BMPER: variants seen among roughly 807,000 people sequenced by gnomAD.
BMPER encodes BMP binding endothelial regulator, also known as BMP-binding endothelial regulator protein.
Under a neutral mutation model 87.3 loss-of-function variants are expected in BMPER, and 45 were observed. The observed-to-expected ratio is 0.52, with a 90% CI of 0.41 to 0.66. The LOEUF (loss-of-function observed/expected upper bound fraction) is 0.66, where lower values mean the gene tolerates loss of function less well. Among genes scored for constraint, BMPER ranks in the 30% least tolerant of loss-of-function variants. The probability of loss-of-function intolerance (pLI) is 0.00; values close to 1 mark genes in which losing one functional copy is unlikely to be tolerated. For missense variants in BMPER, 784 were observed against 867.5 expected (o/e 0.90, Z 1.21); for synonymous variants, 326 against 316.2 (o/e 1.03, Z -0.33).
At chr7:34,120,118 A>T (rs61272310) in intron 13 of BMPER, among the ~76,000 whole-genome samples, 3,494 of 152,308 alleles carry the variant, frequency 0.023, 121 homozygotes, top group African/African-American at 0.078. Context: ...ATTTTAACAC[A>T]CTTCTCTCAG....
At chr7:34,147,435 T>C in intron 14 of BMPER, among the ~76,000 whole-genome samples, 1 of 152,188 alleles carries the variant, frequency 6.6e-6, no homozygotes, top group South Asian at 2.1e-4. Context: ...ATAAATGCAC[T>C]CTAATCCTAA....
intron 6 of BMPER, among the ~76,000 whole-genome samples, chr7:34,022,394 A>G (rs916309907): frequency 6.6e-6 from 1 of 151,776 alleles, no homozygotes; most frequent in Non-Finnish European, 1.5e-5. Context: ...CCGCATTTCT[A>G]CAGCCTCTTA....
At chr7:34,013,548 CTTG>C (rs1786938958) in intron 6 of BMPER, among the ~76,000 whole-genome samples, 1 of 151,954 alleles carries the variant, frequency 6.6e-6, no homozygotes, top group South Asian at 2.1e-4. Flanking sequence ...ATAAAATTCA[CTTG>C]TTGTAAGTGT....
In BMPER at chr7:34,079,038, G is replaced by A; in HGVS notation, c.1260G>A (p.Ser420=). The change falls in exon 12 of 15, where the codon TCG becomes TCA. Residue 420 remains serine (S), a synonymous_variant. Transcript: ENST00000649409. ...CACGCTCCTTCTCGTGGACCAAGTC[G>A]GTGGAGCTGGTGCTGGGCGAGAGCA... The part of the protein sequence containing the change: ...RRTRSFSWTK[S]VELVLGESRV... 1.9e-6 allele frequency: 3 copies of A among 1,614,200 alleles called. No homozygotes were observed. Among genetic ancestry groups the A allele is most frequent in the East Asian group, 2.2e-5 (1 of 44,874 alleles).
intron 6 of BMPER, among the ~76,000 whole-genome samples, chr7:34,034,915 C>A (rs965539634): frequency 1.5e-4 from 23 of 152,104 alleles, no homozygotes; most frequent in Admixed American, 1.4e-3. Flanking sequence ...GATGAGTGAA[C>A]CTCTCCCTTT....
At chr7:33,996,237 A>G (rs1017987909) in intron 6 of BMPER, among the ~76,000 whole-genome samples, 1 of 152,158 alleles carries the variant, frequency 6.6e-6, no homozygotes, top group African/African-American at 2.4e-5. Flanking sequence ...TTTTTAAATA[A>G]AAGAAGTCCC....
chr7:33,997,032 G>A (rs373890161), intron 6 of BMPER, among the ~76,000 whole-genome samples: 30 of 152,234 alleles, frequency 2.0e-4, no homozygotes, highest in African/African-American at 7.2e-4. Context: ...CAGGTCTTAT[G>A]TTCATGCTCA....
At chr7:34,005,451 TA>T (rs1271410654) in intron 6 of BMPER, among the ~76,000 whole-genome samples, 3 of 152,044 alleles carry the variant, frequency 2.0e-5, no homozygotes, top group South Asian at 2.1e-4. Context: ...ACATTTTTTT[TA>T]ATTTTTATTT....
chr7:33,985,582 A>G (rs1785982292), intron 6 of BMPER, among the ~76,000 whole-genome samples: 1 of 152,180 alleles, frequency 6.6e-6, no homozygotes, highest in Non-Finnish European at 1.5e-5. Flanking sequence ...ACTTCAAATC[A>G]ATGTCTTAAT....
chr7:34,074,048 A>T (rs1788801209), intron 11 of BMPER, among the ~76,000 whole-genome samples: 1 of 152,236 alleles, frequency 6.6e-6, no homozygotes, highest in Non-Finnish European at 1.5e-5. Flanking sequence ...GTAGTTAGGG[A>T]CTGCTTACTT....
chr7:33,911,966 C>T lies in BMPER; in HGVS notation c.219+5063C>T, dbSNP rs192320023. Among the ~76,000 whole-genome samples, 7 of 152,270 alleles carry T rather than the reference C, an allele frequency of 4.6e-5. No individual in the cohort carries two copies. In the East Asian group the frequency reaches 9.7e-4, roughly 21 times the overall value. On this transcript the variant is annotated intron_variant, in intron 2 of 14. Coordinates refer to ENST00000649409, the MANE Select transcript of BMPER (RefSeq NM_001365308.1). Reference sequence around the variant, plus strand: ...ATGATGGCAAACCCACCCATTGTTACGCATGAACAAGGTTTGTCAGAAATG... The same window carrying T: ...ATGATGGCAAACCCACCCATTGTTATGCATGAACAAGGTTTGTCAGAAATG...
chr7:34,072,030 T>A (rs1233097854), intron 11 of BMPER, among the ~76,000 whole-genome samples: 1 of 152,176 alleles, frequency 6.6e-6, no homozygotes, highest in Non-Finnish European at 1.5e-5. Context: ...GAAGCCACAG[T>A]GTCTTGGGTT....
In BMPER at chr7:34,116,846, C is replaced by T. The variant is rs570996983; in HGVS notation, c.1746-26384C>T. Reference sequence around the variant, plus strand: ...CTCTACTAGAAATACAAAAATGAGCCGGGTGTGGTGGTGCACACCTGTAAT... The same window carrying T: ...CTCTACTAGAAATACAAAAATGAGCTGGGTGTGGTGGTGCACACCTGTAAT... On this transcript the variant is annotated intron_variant, in intron 13 of 14. Transcript: ENST00000649409. Among the ~76,000 whole-genome samples the T allele has an allele frequency of 3.4e-4, 51 of 152,042 alleles. No individual in the cohort carries two copies. The East Asian group carries it at 4.9e-3, about 14-fold the overall frequency.
Position 34,024,405 on chromosome 7 carries a change from A to C in BMPER, c.577-21901A>C, listed in dbSNP as rs1240325697. Among the ~76,000 whole-genome samples, 99 of 46,158 alleles carry C rather than the reference A, an allele frequency of 2.1e-3. 7 individuals are homozygous for C. The highest frequency in any genetic ancestry group is 8.7e-3 in the African/African-American group (96 of 11,048). 30.3% of individuals were successfully genotyped at this position (46,158 alleles called of 152,430 possible). A position where few individuals can be genotyped will look rare whatever the true frequency, so the allele number is the denominator to read the frequency against. ...AAACAATATATATATATATATATAT[A>C]TATATATATATATATATATATATAT... On this transcript the variant is annotated intron_variant, in intron 6 of 14. Transcript: ENST00000649409.
At chr7:34,109,862 A>G (rs922164982) in intron 13 of BMPER, among the ~76,000 whole-genome samples, 1 of 152,216 alleles carries the variant, frequency 6.6e-6, no homozygotes, top group African/African-American at 2.4e-5. Flanking sequence ...CCAATGGGTT[A>G]GTTCTATTCC....
chr7:34,112,626 G>T (rs1053847688), intron 13 of BMPER, among the ~76,000 whole-genome samples: 1 of 151,576 alleles, frequency 6.6e-6, no homozygotes, highest in Admixed American at 6.6e-5. Flanking sequence ...CAACAATCAG[G>T]TCATATTGTG....
chr7:34,125,577 C>T (rs1790380173), intron 13 of BMPER, among the ~76,000 whole-genome samples: 1 of 152,150 alleles, frequency 6.6e-6, no homozygotes. Flanking sequence ...TAGTTGAATG[C>T]ATGAGCGACT....
At chr7:33,932,957 C>T (rs1315092005) in intron 2 of BMPER, among the ~76,000 whole-genome samples, 1 of 152,180 alleles carries the variant, frequency 6.6e-6, no homozygotes, top group Non-Finnish European at 1.5e-5. Flanking sequence ...CATGGGAGAG[C>T]TCATTTCTCT....
intron 2 of BMPER, among the ~76,000 whole-genome samples, chr7:33,929,076 CT>C (rs1233161955): frequency 6.6e-6 from 1 of 152,036 alleles, no homozygotes; most frequent in African/African-American, 2.4e-5. Flanking sequence ...TTCATAAAGT[CT>C]TTTTAAATGT....
Sources: allele counts gnomAD v4.1 joint callset (sites outside exome capture counted in the v4.1 genomes callset), GRCh38; gene constraint gnomAD v4.1.1; transcripts MANE v1.5; gene names NCBI Gene and HGNC (gene_info 2026-07-23, HGNC 2026-07-21).